PDE7B: variants seen among roughly 807,000 people sequenced by gnomAD.
PDE7B encodes the protein phosphodiesterase 7B, also known as 3',5'-cyclic-AMP phosphodiesterase 7B.
PDE7B carries 29 observed loss-of-function variants against 56.2 expected under a neutral mutation model. That is an observed-to-expected ratio of 0.52 (90% CI 0.38 to 0.70). The LOEUF is 0.70. Ranked by LOEUF, PDE7B falls within the 30% of genes least tolerant of loss-of-function variation. PDE7B has a pLI of 0.00. For synonymous variants in PDE7B, 197 were observed against 196.9 expected (o/e 1.00, Z 0.00); for missense variants, 490 against 565.0 (o/e 0.87, Z 1.35).
intron 1 of PDE7B, among the ~76,000 whole-genome samples, chr6:135,857,943 G>A (rs1173495064): frequency 1.3e-5 from 2 of 152,072 alleles, no homozygotes; most frequent in Non-Finnish European, 2.9e-5. Flanking sequence ...AGAACTTGGA[G>A]TATGGGATAG....
chr6:135,897,066 T>G (rs1251188796), intron 1 of PDE7B, among the ~76,000 whole-genome samples: 1 of 152,150 alleles, frequency 6.6e-6, no homozygotes, highest in Non-Finnish European at 1.5e-5. Flanking sequence ...CAGATCACTT[T>G]CAGTAGTCCA....
intron 2 of PDE7B, among the ~76,000 whole-genome samples, chr6:135,963,573 G>A (rs1486412433): frequency 6.6e-6 from 1 of 152,176 alleles, no homozygotes; most frequent in Non-Finnish European, 1.5e-5. Flanking sequence ...AGAACCTTAA[G>A]TGGTAAGAAA....
intron 3 of PDE7B, among the ~76,000 whole-genome samples, chr6:136,123,574 G>T (rs1777975015): frequency 1.3e-5 from 2 of 152,160 alleles, no homozygotes; most frequent in Non-Finnish European, 2.9e-5. Context: ...TTGGTCAAAT[G>T]GTCTCTTCGC....
chr6:136,107,733 C>T (rs1583884910), intron 2 of PDE7B, among the ~76,000 whole-genome samples: 1 of 152,138 alleles, frequency 6.6e-6, no homozygotes, highest in Admixed American at 6.6e-5. Context: ...CAAGGCCTAC[C>T]GTGTTCTAAA....
intron 11 of PDE7B, among the ~76,000 whole-genome samples, chr6:136,184,956 G>C (rs1377330205): frequency 6.6e-6 from 1 of 152,184 alleles, no homozygotes; most frequent in Non-Finnish European, 1.5e-5. Context: ...AGATGAGATG[G>C]AGGGTGAAGG....
chr6:135,852,324 G>A (rs952320541), intron 1 of PDE7B, among the ~76,000 whole-genome samples: 5 of 151,934 alleles, frequency 3.3e-5, no homozygotes, highest in African/African-American at 1.2e-4. Flanking sequence ...AAAAAATAAA[G>A]AATGCAATAT....
chr6:136,173,475 T>C (rs547785427), intron 8 of PDE7B, among the ~76,000 whole-genome samples: 9 of 152,220 alleles, frequency 5.9e-5, no homozygotes, highest in Non-Finnish European at 1.3e-4. Context: ...ACTGCTTCAC[T>C]TTCTTTCTTA....
intron 5 of PDE7B, among the ~76,000 whole-genome samples, chr6:136,150,698 C>CT (rs1778495837): frequency 6.6e-6 from 1 of 152,164 alleles, no homozygotes; most frequent in South Asian, 2.1e-4. Flanking sequence ...GTCAGATCTC[C>CT]TCTTGAGTGA....
chr6:135,867,550 A>T (rs909139126), intron 1 of PDE7B, among the ~76,000 whole-genome samples: 1 of 152,094 alleles, frequency 6.6e-6, no homozygotes, highest in African/African-American at 2.4e-5. Context: ...CCTACTACCC[A>T]TTAGTTATTT....
At chr6:136,179,258 T>C (rs1270777219) in intron 10 of PDE7B, 117 bp downstream of exon 10, 3 of 857,092 alleles carry the variant, frequency 3.5e-6, no homozygotes, top group Non-Finnish European at 3.8e-6. Context: ...TGGGGATCAC[T>C]TGAGTCCATG....
At chr6:136,112,651 C>T (rs1394322570) in intron 3 of PDE7B, 1 of 151,838 alleles carries the variant, frequency 6.6e-6, no homozygotes, top group African/African-American at 2.4e-5. Context: ...ACTGCCATCA[C>T]TTTACTTTCA....
chr6:135,936,431 C>T (rs1425205601), intron 1 of PDE7B, among the ~76,000 whole-genome samples: 2 of 152,178 alleles, frequency 1.3e-5, no homozygotes, highest in Admixed American at 6.5e-5. Context: ...TTGGACACAT[C>T]GACCAGATGG....
chr6:136,038,007 T>A, intron 2 of PDE7B: 1 of 1,291,724 alleles, frequency 7.7e-7, no homozygotes, highest in Middle Eastern at 2.2e-4. Flanking sequence ...AGGAGTACAG[T>A]AACAGTTTCT....
intron 1 of PDE7B, among the ~76,000 whole-genome samples, chr6:135,926,085 T>G (rs7453221): frequency 1.1e-3 from 17 of 16,164 alleles, no homozygotes; most frequent in South Asian, 3.6e-3. Flanking sequence ...TTCTTTTTTT[T>G]GGGGGGGGGG....
intron 9 of PDE7B, among the ~76,000 whole-genome samples, chr6:136,176,868 A>G (rs1778986246): frequency 1.3e-5 from 2 of 152,144 alleles, no homozygotes; most frequent in Admixed American, 6.6e-5. Context: ...TAAAAATGGG[A>G]GAAATAATAT....
chr6:136,022,934 C>T (rs1375745459), intron 2 of PDE7B, among the ~76,000 whole-genome samples: 2 of 151,368 alleles, frequency 1.3e-5, no homozygotes, highest in South Asian at 2.1e-4. Context: ...ATTAAGTCTT[C>T]GAGATTAGAG....
At chr6:136,048,780 T>C (rs1776567187) in intron 2 of PDE7B, among the ~76,000 whole-genome samples, 1 of 152,188 alleles carries the variant, frequency 6.6e-6, no homozygotes, top group Non-Finnish European at 1.5e-5. Context: ...CATAGTGGCA[T>C]TCATTGACCA....
chr6:136,070,194 C>G (rs567617369), intron 2 of PDE7B: 1 of 150,996 alleles, frequency 6.6e-6, no homozygotes, highest in Non-Finnish European at 1.5e-5. Flanking sequence ...GAAACAGCTA[C>G]TTAAACTCAA....
intron 2 of PDE7B, among the ~76,000 whole-genome samples, chr6:135,963,719 C>T (rs1774945891): frequency 6.6e-6 from 1 of 151,796 alleles, no homozygotes; most frequent in Admixed American, 6.6e-5. Context: ...TTTAAAAAAA[C>T]ATGGAAAGGA....
Sources: gnomAD v4.1 joint callset for allele counts (sites outside exome capture counted in the v4.1 genomes callset) on GRCh38, gnomAD v4.1.1 for gene constraint, MANE v1.5 for transcripts, NCBI Gene and HGNC (gene_info 2026-07-23, HGNC 2026-07-21) for gene names.